The following CCDC33 variants were observed in gnomAD, a reference collection of about 807,000 sequenced individuals.
The protein encoded by CCDC33 is coiled-coil domain containing 33.
In CCDC33, 94 loss-of-function variants were observed where a neutral mutation model predicts 91.9. The ratio of observed to expected loss-of-function variants is 1.02; its 90% CI spans 0.87 to 1.21. The LOEUF (loss-of-function observed/expected upper bound fraction) is 1.21, where lower values mean the gene tolerates loss of function less well. Among genes scored for constraint, CCDC33 ranks in the 50% most tolerant of loss-of-function variants. The pLI, the probability that CCDC33 is intolerant of heterozygous loss-of-function variation, is 0.00. For missense variants in CCDC33, 940 were observed against 935.5 expected (o/e 1.00, Z -0.06); for synonymous variants, 396 against 374.5 (o/e 1.06, Z -0.66).
intron 2 of CCDC33, among the ~76,000 whole-genome samples, chr15:74,253,881 T>A (rs2075784673): frequency 6.6e-6 from 1 of 152,102 alleles, no homozygotes; most frequent in African/African-American, 2.4e-5. Flanking sequence ...GTTTAATTAT[T>A]AGGTTTTTTT....
At chr15:74,330,034 C>T (rs1352412093) in intron 11 of CCDC33, among the ~76,000 whole-genome samples, 155 bp from the exon 12 acceptor site, 1 of 152,154 alleles carries the variant, frequency 6.6e-6, no homozygotes. Flanking sequence ...CATAACCACC[C>T]TTCCAGGGAG....
rs1189597788 is a variant in CCDC33, at chr15:74,336,055, C to T, written c.*2C>T. 1 of 1,613,602 alleles carries T rather than the reference C, an allele frequency of 6.2e-7. No homozygotes were observed. The highest frequency in any genetic ancestry group is 8.5e-7 in the Non-Finnish European group (1 of 1,179,974). On this transcript the variant is annotated 3_prime_UTR_variant, in exon 19 of 19. Transcript: ENST00000398814. ...ACCGCTAACTCTCAGCAGACCTGAG[C>T]CCCAGAGCAGGCCTCCTTCCCTGTG... is the stretch of plus-strand genomic sequence containing the variant.
chr15:74,330,490 C>G (rs1449336479), intron 12 of CCDC33, 136 bp downstream of exon 12: 118 of 1,139,706 alleles, frequency 1.0e-4, no homozygotes, highest in Non-Finnish European at 4.7e-5. Flanking sequence ...CCCTCGCCCA[C>G]AGACACTCAC....
chr15:74,285,567 C>T (rs351205), intron 10 of CCDC33, among the ~76,000 whole-genome samples: 5,901 of 151,962 alleles, frequency 0.039, 368 homozygotes, highest in African/African-American at 0.13. Context: ...GCTTTGCCCC[C>T]GAGGCTGCAG....
At chr15:74,267,357 G>A (rs905658624) in intron 4 of CCDC33, among the ~76,000 whole-genome samples, 12 of 152,144 alleles carry the variant, frequency 7.9e-5, no homozygotes, top group African/African-American at 2.7e-4. Flanking sequence ...AGGAGAGTTG[G>A]GGGGTACATG....
At chr15:74,217,189 C>T, upstream of CCDC33, 3 of 1,065,932 alleles carry the variant, frequency 2.8e-6, no homozygotes, top group South Asian at 1.7e-5. Flanking sequence ...AGCACCCAGC[C>T]TGCAGGCTTT....
intron 10 of CCDC33, among the ~76,000 whole-genome samples, chr15:74,291,442 T>C (rs147061665): frequency 4.6e-5 from 7 of 152,372 alleles, no homozygotes; most frequent in African/African-American, 1.7e-4. Flanking sequence ...ACTCACTTTG[T>C]TAGATACCTA....
In CCDC33 at chr15:74,247,217, C is replaced by T. The variant is rs534144146; in HGVS notation, c.185+3069C>T. ...GGTGCAGTGGCTCATGCCTGTAATC[C>T]CAGAACTTTGGAGGCTGAGGCAGGT... On this transcript the variant is annotated intron_variant, in intron 2 of 18. Transcript: ENST00000398814. Among the ~76,000 whole-genome samples, 5 of 151,924 alleles carry T rather than the reference C, an allele frequency of 3.3e-5. No homozygotes were observed. The South Asian group carries it at 1.0e-3, about 32-fold the overall frequency.
At chr15:74,300,424 A>T (rs1438159118) in intron 11 of CCDC33, 1 of 152,248 alleles carries the variant, frequency 6.6e-6, no homozygotes, top group Non-Finnish European at 1.5e-5. Context: ...GCTCCTGGAC[A>T]TGCGGCCAGG....
intron 11 of CCDC33, chr15:74,299,711 G>C (rs1055562671): frequency 4.6e-5 from 7 of 152,298 alleles, no homozygotes; most frequent in Non-Finnish European, 1.0e-4. Context: ...AGAGTATCCA[G>C]GGCAGTGGGT....
At chr15:74,272,193 C>T (rs1340532068) in intron 6 of CCDC33, among the ~76,000 whole-genome samples, 1 of 152,170 alleles carries the variant, frequency 6.6e-6, no homozygotes, top group Non-Finnish European at 1.5e-5. Context: ...CTCCCCACTC[C>T]CCCTCCCACT....
intron 2 of CCDC33, among the ~76,000 whole-genome samples, chr15:74,230,172 C>T (rs1387900386): frequency 6.6e-6 from 1 of 152,068 alleles, no homozygotes. Context: ...GCAGGGGTCC[C>T]CTGCAGTGAT....
At chr15:74,251,151 G>C (rs960705572) in intron 2 of CCDC33, among the ~76,000 whole-genome samples, 1 of 152,250 alleles carries the variant, frequency 6.6e-6, no homozygotes, top group Non-Finnish European at 1.5e-5. Context: ...TGCCTGGCTG[G>C]CTTGTGTTCT....
At chr15:74,228,863 A>G (rs887917797) in intron 2 of CCDC33, among the ~76,000 whole-genome samples, 1 of 152,108 alleles carries the variant, frequency 6.6e-6, no homozygotes, top group Non-Finnish European at 1.5e-5. Context: ...CTCAAATGAG[A>G]TTAGGGCCAG....
At chr15:74,318,734 GC>G in intron 11 of CCDC33, 1 of 702,022 alleles carries the variant, frequency 1.4e-6, no homozygotes, top group Non-Finnish European at 2.6e-6. Context: ...GGGGTGTGTT[GC>G]CCAGCAACCA....
At chr15:74,262,720 C>G in intron 3 of CCDC33, 147 bp downstream of exon 3, 1 of 787,988 alleles carries the variant, frequency 1.3e-6, no homozygotes, top group Admixed American at 3.1e-5. Flanking sequence ...TAGAAAAAAT[C>G]ATAATACTGT....
At chr15:74,318,930 G>A (rs1047676570) in intron 11 of CCDC33, among the ~76,000 whole-genome samples, 1 of 152,172 alleles carries the variant, frequency 6.6e-6, no homozygotes, top group East Asian at 1.9e-4. Flanking sequence ...CCCTTGAAGT[G>A]ATCATTGCCT....
rs5813758 is a variant in CCDC33 at position 74,308,354 on chromosome 15, G to GACACACACACACACACACAC, written c.1290+12409_1290+12410insCACACACACACACACACACA. Among the ~76,000 whole-genome samples the GACACACACACACACACACAC allele has an allele frequency of 1.2e-3, 172 of 142,032 alleles. 2 individuals are homozygous for GACACACACACACACACACAC. The highest frequency in any genetic ancestry group is 3.6e-3 in the African/African-American group (135 of 37,968). 93.2% of individuals were successfully genotyped at this position (142,032 alleles called of 152,430 possible). A position where few individuals can be genotyped will look rare whatever the true frequency, so the allele number is the denominator to read the frequency against. On this transcript the variant is annotated intron_variant, in intron 11 of 18. Transcript: ENST00000398814. ...AAAGCCCAGTCCATGTGTGCAGACA[G>GACACACACACACACACACAC]ACAGACACACACACACACACACACA...
chr15:74,261,694 G>A (rs2076028503), intron 2 of CCDC33, among the ~76,000 whole-genome samples: 1 of 152,164 alleles, frequency 6.6e-6, no homozygotes, highest in South Asian at 2.1e-4. Flanking sequence ...GCCGTTTGAC[G>A]GCTCTGGATC....
Sources: gnomAD v4.1 joint callset for allele counts (sites outside exome capture counted in the v4.1 genomes callset) on GRCh38, gnomAD v4.1.1 for gene constraint, MANE v1.5 for transcripts, NCBI Gene and HGNC (gene_info 2026-07-23, HGNC 2026-07-21) for gene names.